The following PPL variants were observed in gnomAD, a reference collection of about 807,000 sequenced individuals.
The protein encoded by PPL is periplakin.
In PPL, 198 loss-of-function variants were observed where a neutral mutation model predicts 194.4. The ratio of observed to expected loss-of-function variants is 1.02; its 90% CI spans 0.91 to 1.15. The LOEUF is 1.15. Among genes scored for constraint, PPL ranks in the 50% most tolerant of loss-of-function variants. The probability of loss-of-function intolerance (pLI) is 0.00; values close to 1 mark genes in which losing one functional copy is unlikely to be tolerated. For synonymous variants in PPL, 1,220 were observed against 972.4 expected (o/e 1.25, Z -4.74); for missense variants, 2,885 against 2,294.8 (o/e 1.26, Z -5.25).
At chr16:4,913,725 C>CAAAG (rs1396086889) in intron 1 of PPL, among the ~76,000 whole-genome samples, 2 of 152,152 alleles carry the variant, frequency 1.3e-5, no homozygotes, top group Non-Finnish European at 2.9e-5. Flanking sequence ...TTTCTTTAAA[C>CAAAG]AAAGAAAGAA....
In PPL at chr16:4,885,451, TGCCTCCA is replaced by T; in HGVS notation, c.3197_3203del (p.Leu1066GlnfsTer24). The T allele has an allele frequency of 1.2e-6, 2 of 1,612,356 alleles. No individual in the cohort carries two copies. The highest frequency in any genetic ancestry group is 1.7e-6 in the Non-Finnish European group (2 of 1,179,918). ...GGTCCTCCTGCAGCTGCTGGTACTC[TGCCTCCA>T]GCTGGGGGTCATTCTGCAGTTTCAC... On this transcript the variant is annotated frameshift_variant, in exon 22 of 22. Coordinates refer to ENST00000345988, the MANE Select transcript of PPL (RefSeq NM_002705.5). LOFTEE classifies it high-confidence loss of function. The surrounding 1 kb of genome is among the most constrained non-coding windows in gnomAD (Gnocchi z 6.3).
intron 2 of PPL, among the ~76,000 whole-genome samples, chr16:4,905,225 C>T (rs182043936): frequency 1.3e-5 from 2 of 152,268 alleles, no homozygotes; most frequent in Admixed American, 6.5e-5. Context: ...GGAAAATACC[C>T]GCTTATGAAG....
At position 4,901,076 on chromosome 16, in the gene PPL, T is replaced by A. The variant is rs1287548424; in HGVS notation, c.452A>T (p.Asn151Ile). ...CGGCAGGTCAGTCCCAAAGCTCTGG[T>A]TGTTCAGCTTGTCCTGGCCAGGAGG... ...LVEEKLDKLN[N>I]QSFGTDLPLV... The change falls in exon 5 of 22, where the codon AAC becomes ATC. Residue 151 changes from asparagine to isoleucine, a missense_variant. Asn to Ile is a moderately radical substitution (Grantham distance 149, BLOSUM62 -3). Coordinates refer to ENST00000345988, the MANE Select transcript of PPL (RefSeq NM_002705.5). The A allele has an allele frequency of 6.2e-7, 1 of 1,614,070 alleles. No homozygotes were observed. The highest frequency in any genetic ancestry group is 1.1e-5 in the South Asian group (1 of 91,082).
chr16:4,901,441 C>T (rs1283512207), intron 4 of PPL, among the ~76,000 whole-genome samples: 1 of 152,224 alleles, frequency 6.6e-6, no homozygotes, highest in Non-Finnish European at 1.5e-5. Flanking sequence ...GTCATCCAGG[C>T]ACTTTGGGAG....
intron 12 of PPL, 195 bp from the exon 13 acceptor site, chr16:4,893,833 C>G (rs1470588341): frequency 1.0e-5 from 6 of 579,988 alleles, no homozygotes; most frequent in Non-Finnish European, 1.8e-5. Flanking sequence ...TCCTTCCCTC[C>G]TCTTTCGTAG....
chr16:4,906,334 C>T (rs1425163866), intron 2 of PPL, among the ~76,000 whole-genome samples: 2 of 152,268 alleles, frequency 1.3e-5, no homozygotes, highest in East Asian at 3.9e-4. Context: ...ACACCATTAT[C>T]CTGCCTCAGC....
intron 1 of PPL, among the ~76,000 whole-genome samples, chr16:4,919,054 A>C (rs934516510): frequency 1.3e-5 from 2 of 152,144 alleles, no homozygotes; most frequent in Non-Finnish European, 2.9e-5. Flanking sequence ...CAGGAACACA[A>C]AGATATCCCC....
chr16:4,915,404 G>C (rs1035612716), intron 1 of PPL, among the ~76,000 whole-genome samples: 1 of 152,212 alleles, frequency 6.6e-6, no homozygotes, highest in Non-Finnish European at 1.5e-5. Context: ...GACCACAAAG[G>C]CATCCTGGGC....
At position 4,937,145 on chromosome 16, in the gene PPL, G is replaced by C. The variant is rs925100667; in HGVS notation, c.-100C>G. On this transcript the variant is annotated 5_prime_UTR_variant, in exon 1 of 22. Transcript: ENST00000345988. ...AGCGAGCGGCGGCGCGGGGAGCCCG[G>C]ACTGCGGCGCGGCAGTGGCTCCGGG... 1.2e-5 allele frequency: 10 copies of C among 819,400 alleles called. No homozygotes were observed. Among genetic ancestry groups the C allele is most frequent in the South Asian group, 5.4e-5 (1 of 18,474 alleles). The allele number at this position is 819,400 out of a possible 1,614,324, so 50.8% of individuals were successfully genotyped here.
At chr16:4,886,369 G>T (rs2088219961) in intron 21 of PPL, among the ~76,000 whole-genome samples, 1 of 152,204 alleles carries the variant, frequency 6.6e-6, no homozygotes, top group Non-Finnish European at 1.5e-5. Context: ...TCTGTCTGTA[G>T]TATGTACCAT....
At chr16:4,909,358 G>C (rs2142382317) in intron 2 of PPL, among the ~76,000 whole-genome samples, 1 of 151,852 alleles carries the variant, frequency 6.6e-6, no homozygotes, top group African/African-American at 2.4e-5. Context: ...ACAGCAGCTT[G>C]GCCGGGTAGA....
chr16:4,916,410 C>T (rs1162724289), intron 1 of PPL, among the ~76,000 whole-genome samples: 1 of 152,086 alleles, frequency 6.6e-6, no homozygotes, highest in East Asian at 1.9e-4. Context: ...CGGGGTTTTG[C>T]CATGTTGGCC....
intron 21 of PPL, among the ~76,000 whole-genome samples, chr16:4,886,797 T>G (rs1255986594): frequency 1.3e-5 from 2 of 152,328 alleles, no homozygotes; most frequent in East Asian, 3.9e-4. Context: ...TTTTGTATTT[T>G]TAGTAGAGAC....
chr16:4,891,010 CTGTA>C, intron 16 of PPL, 89 bp from the exon 17 acceptor site: 1 of 1,225,942 alleles, frequency 8.2e-7, no homozygotes, highest in Non-Finnish European at 1.1e-6. Context: ...GGGCCACTGA[CTGTA>C]GGAGGGTGGG....
intron 1 of PPL, among the ~76,000 whole-genome samples, chr16:4,921,920 C>A (rs776961862): frequency 6.6e-6 from 1 of 151,760 alleles, no homozygotes; most frequent in Non-Finnish European, 1.5e-5. Context: ...CAGGGATGCC[C>A]GTGAGAGGAG....
At chr16:4,894,733 A>C in intron 11 of PPL, 115 bp from the exon 12 acceptor site, 1 of 1,247,210 alleles carries the variant, frequency 8.0e-7, no homozygotes, top group Non-Finnish European at 1.1e-6. Context: ...CATCACTTGG[A>C]CCCTCCCCGT....
At chr16:4,924,149 C>A (rs763965921) in intron 1 of PPL, among the ~76,000 whole-genome samples, 6 of 152,138 alleles carry the variant, frequency 3.9e-5, no homozygotes, top group Non-Finnish European at 7.3e-5. Flanking sequence ...ACCTGAGCCA[C>A]ACAGAATTTA....
At chr16:4,926,888 A>AAC (rs947830660) in intron 1 of PPL, among the ~76,000 whole-genome samples, 2 of 115,880 alleles carry the variant, frequency 1.7e-5, no homozygotes, top group Non-Finnish European at 3.8e-5. Context: ...CAAAAAAAAA[A>AAC]AAAACAAAAA....
chr16:4,917,106 TG>T, intron 1 of PPL, among the ~76,000 whole-genome samples: 1 of 152,140 alleles, frequency 6.6e-6, no homozygotes, highest in South Asian at 2.1e-4. Flanking sequence ...CACTCCAGCC[TG>T]GGTGATGGAG....
Sources: allele counts gnomAD v4.1 joint callset (sites outside exome capture counted in the v4.1 genomes callset), GRCh38; gene constraint gnomAD v4.1.1; non-coding constraint Gnocchi (gnomAD v3.1); transcripts MANE v1.5; gene names NCBI Gene and HGNC (gene_info 2026-07-23, HGNC 2026-07-21).